The following PATJ variants were observed in gnomAD, a reference collection of about 807,000 sequenced individuals.
PATJ encodes the protein inaD-like protein.
A neutral mutation model predicts 224.9 loss-of-function variants in PATJ; 190 were observed. The observed-to-expected ratio is 0.84, with a 90% CI of 0.75 to 0.95. The LOEUF (loss-of-function observed/expected upper bound fraction) is 0.95, where lower values mean the gene tolerates loss of function less well. Among genes scored for constraint, PATJ ranks in the 40% least tolerant of loss-of-function variants. The probability of loss-of-function intolerance (pLI) is 0.00; values close to 1 mark genes in which losing one functional copy is unlikely to be tolerated. For synonymous variants in PATJ, 769 were observed against 820.3 expected, an observed-to-expected ratio of 0.94 and a Z score of 1.07; for missense variants, 2,121 against 2,270.3, an observed-to-expected ratio of 0.93 and a Z score of 1.34.
intron 22 of PATJ, among the ~76,000 whole-genome samples, chr1:61,891,287 T>C (rs564947973): frequency 7.8e-4 from 119 of 152,314 alleles, no homozygotes; most frequent in African/African-American, 2.8e-3. Flanking sequence ...GTTAACGTGA[T>C]ATTTTAAGCT....
chr1:61,970,933 T>C (rs1486933883), intron 27 of PATJ, among the ~76,000 whole-genome samples: 1 of 152,354 alleles, frequency 6.6e-6, no homozygotes, highest in East Asian at 1.9e-4. Flanking sequence ...GAAGTAGAAA[T>C]TTAATCAGAA....
In PATJ at chr1:61,783,296, A is replaced by G. The variant is rs150710430; in HGVS notation, c.850-4458A>G. On this transcript the variant is annotated intron_variant, in intron 7 of 43. Transcript: ENST00000642238. ...TTATTTTGTAAAGTTACCCTTTTCT[A>G]TCAATGGCATGTTGCCTTTTGATTG... Among the ~76,000 whole-genome samples, 421 of 152,284 alleles carry G rather than the reference A, an allele frequency of 2.8e-3. 4 individuals carry two copies. Among genetic ancestry groups the G allele is most frequent in the African/African-American group, 9.4e-3 (389 of 41,562 alleles).
chr1:61,956,168 C>G (rs1234379316), intron 27 of PATJ, among the ~76,000 whole-genome samples: 1 of 152,206 alleles, frequency 6.6e-6, no homozygotes, highest in African/African-American at 2.4e-5. Context: ...CACAAACTGA[C>G]TTATCTTCCA....
At chr1:62,123,450 A>G (rs1390390503) in intron 39 of PATJ, among the ~76,000 whole-genome samples, 7 of 134,564 alleles carry the variant, frequency 5.2e-5, no homozygotes, top group Non-Finnish European at 9.5e-5. Context: ...ACTCCATCTT[A>G]TGAATGTGCT....
At chr1:61,772,559 C>T (rs1432393152) in intron 6 of PATJ, among the ~76,000 whole-genome samples, 1 of 151,980 alleles carries the variant, frequency 6.6e-6, no homozygotes, top group African/African-American at 2.4e-5. Flanking sequence ...AATTTTTATT[C>T]ATTGGGACAA....
chr1:61,934,083 A>G (rs1029562990), intron 27 of PATJ, among the ~76,000 whole-genome samples: 5 of 146,652 alleles, frequency 3.4e-5, no homozygotes, highest in Non-Finnish European at 7.5e-5. Context: ...TTACAGGTGC[A>G]TGCCACTGCG....
intron 30 of PATJ, among the ~76,000 whole-genome samples, chr1:62,039,285 A>AGAT (rs1651024061): frequency 6.6e-6 from 1 of 152,188 alleles, no homozygotes; most frequent in African/African-American, 2.4e-5. Context: ...TGACCTATCA[A>AGAT]AATATTAGTA....
intron 39 of PATJ, among the ~76,000 whole-genome samples, chr1:62,125,269 A>C (rs1473968528): frequency 6.7e-6 from 1 of 148,506 alleles, no homozygotes; most frequent in Non-Finnish European, 1.5e-5. Context: ...AAAAACAAAA[A>C]AAAAACGCCA....
chr1:61,991,645 A>G, intron 28 of PATJ: 5 of 985,392 alleles, frequency 5.1e-6, no homozygotes, highest in Non-Finnish European at 6.0e-6. Context: ...CAAAGAAGTC[A>G]CTTCCAGGAT....
rs1166799191 is a variant in PATJ at position 61,901,432 on chromosome 1, A to C, written c.3354A>C (p.Ala1118=). ...LEDSPAGKTN[A]LKTGDKILEV... is the part of the protein sequence containing the mutation. ...ACAGTCCAGCAGGGAAGACGAACGC[A>C]CTTAAAACTGGAGATAAAATACTTG... is the stretch of plus-strand genomic sequence containing the variant. The change falls in exon 24 of 44, where the codon GCA becomes GCC. Residue 1118 remains alanine (A), a synonymous_variant. Coordinates refer to ENST00000642238, the MANE Select transcript of PATJ (RefSeq NM_001350145.3). 4 of 1,585,020 alleles carry C rather than the reference A, an allele frequency of 2.5e-6. No individual in the cohort carries two copies. The African/African-American group carries it at 5.5e-5, about 22-fold the overall frequency.
At chr1:62,032,833 CT>C (rs893013331) in intron 29 of PATJ, among the ~76,000 whole-genome samples, 50 of 152,256 alleles carry the variant, frequency 3.3e-4, no homozygotes, top group African/African-American at 9.6e-4. Context: ...TTCAGCGTGT[CT>C]GGGGGGGCCT....
At chr1:62,148,232 C>G in intron 41 of PATJ, 52 bp from the exon 42 acceptor site, 1 of 1,246,058 alleles carries the variant, frequency 8.0e-7, no homozygotes, top group South Asian at 1.2e-5. Flanking sequence ...CATGGTTTCT[C>G]TAATTCTCCC....
At chr1:62,028,194 T>C (rs1386173072) in intron 29 of PATJ, among the ~76,000 whole-genome samples, 2 of 152,198 alleles carry the variant, frequency 1.3e-5, no homozygotes, top group South Asian at 2.1e-4. Context: ...CTTCATTCTT[T>C]TTTTCCCCTC....
rs145548906 is a variant in PATJ, at chr1:61,829,072, T to A, written c.1980+1489T>A. On this transcript the variant is annotated intron_variant, in intron 16 of 43. Transcript: ENST00000642238. ...CTATGGCTGTTTGAGTCTCTGCCAG[T>A]CCATCCGTTTTTGTTTTCTTATGTC... 7.4e-3 allele frequency among the ~76,000 whole-genome samples: 1,129 copies of A among 152,308 alleles called. 20 individuals carry two copies. The highest frequency in any genetic ancestry group is 0.025 in the African/African-American group (1,045 of 41,564).
chr1:62,070,839 T>C (rs1657261081), intron 31 of PATJ, among the ~76,000 whole-genome samples: 1 of 152,208 alleles, frequency 6.6e-6, no homozygotes, highest in African/African-American at 2.4e-5. Context: ...AGACCTAGGC[T>C]CCAGTCTCAG....
chr1:61,965,976 A>G (rs1682073727), intron 27 of PATJ, among the ~76,000 whole-genome samples: 1 of 152,186 alleles, frequency 6.6e-6, no homozygotes, highest in Non-Finnish European at 1.5e-5. Flanking sequence ...ATCTTGGCTC[A>G]CCACAACTTC....
chr1:62,117,305 T>G, intron 37 of PATJ, 87 bp downstream of exon 37: 1 of 1,583,602 alleles, frequency 6.3e-7, no homozygotes, highest in South Asian at 1.1e-5. Flanking sequence ...TGTTTGGAAA[T>G]AATATCTAAT....
intron 21 of PATJ, among the ~76,000 whole-genome samples, chr1:61,879,372 A>T (rs1667774772): frequency 6.6e-6 from 1 of 152,186 alleles, no homozygotes; most frequent in Admixed American, 6.5e-5. Context: ...ATGTTGGATG[A>T]CAGAACTAAG....
At chr1:62,010,832 T>A (rs1017233986) in intron 28 of PATJ, among the ~76,000 whole-genome samples, 1 of 152,264 alleles carries the variant, frequency 6.6e-6, no homozygotes, top group East Asian at 1.9e-4. Context: ...TTGTTGAAAA[T>A]TTATTGTTTA....
Sources: allele counts gnomAD v4.1 joint callset (sites outside exome capture counted in the v4.1 genomes callset), GRCh38; gene constraint gnomAD v4.1.1; transcripts MANE v1.5; gene names NCBI Gene and HGNC (gene_info 2026-07-23, HGNC 2026-07-21).